The following HK1 variants were observed in gnomAD, a reference collection of about 807,000 sequenced individuals.
The protein encoded by HK1 is hexokinase-1.
Under a neutral mutation model 91.6 loss-of-function variants are expected in HK1, and 28 were observed. That is an observed-to-expected ratio of 0.31 (90% CI 0.23 to 0.42). The LOEUF (loss-of-function observed/expected upper bound fraction) is 0.42, where lower values mean the gene tolerates loss of function less well. Ranked by LOEUF, HK1 falls within the 10% of genes least tolerant of loss-of-function variation. HK1 has a pLI of 1.00. For missense variants in HK1, 770 were observed against 1,219.8 expected, an observed-to-expected ratio of 0.63 and a Z score of 5.49; for synonymous variants, 430 against 468.1, an observed-to-expected ratio of 0.92 and a Z score of 1.05.
rs535605373 is a variant in HK1, at chr10:69,334,958, A to T, written c.64-8869A>T. ...GAGGTGAGCTTTGGGAGGAAGAAGG[A>T]GCTGGGGACGGAGAGGCCCAGGAGG... On this transcript the variant is annotated intron_variant, in intron 1 of 17. Transcript: ENST00000359426. Among the ~76,000 whole-genome samples the T allele has an allele frequency of 2.0e-5, 3 of 152,016 alleles. No individual in the cohort carries two copies. In the South Asian group the frequency reaches 6.2e-4, roughly 32 times the overall value.
At chr10:69,367,301 G>A (rs1292191627) in intron 4 of HK1, among the ~76,000 whole-genome samples, 2 of 152,194 alleles carry the variant, frequency 1.3e-5, no homozygotes, top group South Asian at 2.1e-4. Context: ...GCCTGTGCAT[G>A]TTACCCCTTA....
chr10:69,323,277 G>C lies in HK1; in HGVS notation c.63+4267G>C, dbSNP rs190904808. 1.8e-3 allele frequency among the ~76,000 whole-genome samples: 269 copies of C among 151,110 alleles called. 1 individual carries two copies. The highest frequency in any genetic ancestry group is 6.2e-3 in the African/African-American group (256 of 41,242). On this transcript the variant is annotated intron_variant, in intron 1 of 17. Coordinates refer to ENST00000359426, the MANE Select transcript of HK1 (RefSeq NM_000188.3). Reference sequence around the variant, plus strand: ...AAAAAAAGAAAATTATGAAAAATCTGTGGGTTCTTGCAGTGGCAAAGAAAA... The same window carrying C: ...AAAAAAAGAAAATTATGAAAAATCTCTGGGTTCTTGCAGTGGCAAAGAAAA...
At chr10:69,325,737 A>G (rs1847320783) in intron 1 of HK1, among the ~76,000 whole-genome samples, 1 of 149,860 alleles carries the variant, frequency 6.7e-6, no homozygotes, top group African/African-American at 2.5e-5. Context: ...GGGTTTCACC[A>G]TGTTGGCCAG....
intron 1 of HK1, among the ~76,000 whole-genome samples, chr10:69,326,663 G>A (rs1221752733): frequency 1.3e-5 from 2 of 152,064 alleles, no homozygotes; most frequent in Non-Finnish European, 1.5e-5. Context: ...AATATTTGAG[G>A]CACATAAAAG....
At chr10:69,310,946 A>C (rs1165139750), upstream of HK1, among the ~76,000 whole-genome samples, 1 of 151,970 alleles carries the variant, frequency 6.6e-6, no homozygotes, top group African/African-American at 2.4e-5. Context: ...AATCCCAGCT[A>C]CTCAGGGGGC....
At chr10:69,379,593 A>G (rs889624552) in intron 8 of HK1, among the ~76,000 whole-genome samples, 5 of 152,188 alleles carry the variant, frequency 3.3e-5, no homozygotes, top group African/African-American at 1.2e-4. Flanking sequence ...TTCAGAGGCC[A>G]CATAGTCTTG....
chr10:69,344,342 A>T (rs1281627427), intron 2 of HK1, among the ~76,000 whole-genome samples: 1 of 152,176 alleles, frequency 6.6e-6, no homozygotes, highest in Non-Finnish European at 1.5e-5. Flanking sequence ...GGTTGCTCTT[A>T]TGTCTTCAGA....
At chr10:69,326,478 T>C (rs1478490070) in intron 1 of HK1, among the ~76,000 whole-genome samples, 1 of 152,184 alleles carries the variant, frequency 6.6e-6, no homozygotes, top group Non-Finnish European at 1.5e-5. Context: ...TAAAACATTT[T>C]TCTAAGGTCG....
At chr10:69,278,283 C>T (rs1286662629) in intron 1 of HK1, among the ~76,000 whole-genome samples, 5 of 152,228 alleles carry the variant, frequency 3.3e-5, no homozygotes, top group African/African-American at 7.2e-5. Flanking sequence ...GGCTGCCTGG[C>T]TGGCTTTCCT....
chr10:69,333,658 G>A (rs1847842240), intron 1 of HK1, among the ~76,000 whole-genome samples: 1 of 152,024 alleles, frequency 6.6e-6, no homozygotes, highest in Admixed American at 6.6e-5. Context: ...TGGGGGCCTG[G>A]GGCATTTGGC....
Position 69,318,918 on chromosome 10 carries a change from G to C in HK1, c.-30G>C, listed in dbSNP as rs758364443. On this transcript the variant is annotated 5_prime_UTR_variant, in exon 1 of 18. Coordinates refer to ENST00000359426, the MANE Select transcript of HK1 (RefSeq NM_000188.3). ...GCTGCGGAGGACCGACCGTCCCCACGCCTGCCGCCCCGCGACCCCGACCGC... is the reference window on the plus strand; with the variant it reads ...GCTGCGGAGGACCGACCGTCCCCACCCCTGCCGCCCCGCGACCCCGACCGC... The C allele has an allele frequency of 1.3e-6, 2 of 1,566,616 alleles. No homozygotes were observed. Among genetic ancestry groups the C allele is most frequent in the African/African-American group, 1.4e-5 (1 of 73,256 alleles).
chr10:69,359,029 C>T (rs1822250536), intron 2 of HK1, among the ~76,000 whole-genome samples: 1 of 150,890 alleles, frequency 6.6e-6, no homozygotes, highest in East Asian at 1.9e-4. Flanking sequence ...GCCCAGGTGA[C>T]AGAGCAAGAC....
In HK1 at chr10:69,384,478, A is replaced by G. The variant is rs748279709; in HGVS notation, c.1716A>G (p.Glu572=). 4 of 1,614,208 alleles carry G rather than the reference A, an allele frequency of 2.5e-6. No homozygotes were observed. The highest frequency in any genetic ancestry group is 2.5e-6 in the Non-Finnish European group (3 of 1,180,032). The part of the protein sequence containing the change: ...IPIEIMQGTG[E]ELFDHIVSCI... The stretch of plus-strand genomic sequence containing the variant: ...TTGAAATCATGCAGGGCACTGGGGA[A>G]GAGGTGAGATTACAAAACCATAGTG... The change falls in exon 11 of 18, where the codon GAA becomes GAG. Residue 572 remains glutamate (E), a synonymous_variant. Transcript: ENST00000359426.
At chr10:69,359,779 T>C in intron 2 of HK1, 118 bp from the exon 3 acceptor site, 2 of 951,832 alleles carry the variant, frequency 2.1e-6, no homozygotes, top group Non-Finnish European at 3.4e-6. Flanking sequence ...TTCTGGCTGA[T>C]AACAGCATGT....
chr10:69,297,605 T>C (rs1845630629), intron 4 of HK1, among the ~76,000 whole-genome samples: 1 of 152,118 alleles, frequency 6.6e-6, no homozygotes. Flanking sequence ...TTAGAATTGC[T>C]TGGTTGAGGC....
At chr10:69,288,625 C>T (rs1413792066) in intron 2 of HK1, 13 of 923,488 alleles carry the variant, frequency 1.4e-5, no homozygotes, top group Non-Finnish European at 2.0e-5. Context: ...AAAATGAGAC[C>T]GACAATCCTC....
chr10:69,327,163 G>A (rs1847430794), intron 1 of HK1, among the ~76,000 whole-genome samples: 1 of 151,710 alleles, frequency 6.6e-6, no homozygotes, highest in East Asian at 1.9e-4. Context: ...TAATTTTTTT[G>A]TATTTTTAGT....
intron 11 of HK1, 86 bp downstream of exon 11, chr10:69,384,567 G>A: frequency 6.4e-7 from 1 of 1,562,380 alleles, no homozygotes; most frequent in East Asian, 2.2e-5. Context: ...TCCGCCACGG[G>A]GTGCCCACAT....
chr10:69,293,253 T>C (rs1845377935), intron 3 of HK1, among the ~76,000 whole-genome samples: 1 of 152,208 alleles, frequency 6.6e-6, no homozygotes. Context: ...CTCAGCCAGA[T>C]GCCCTGGGCA....
Sources: gnomAD v4.1 joint callset for allele counts (sites outside exome capture counted in the v4.1 genomes callset) on GRCh38, gnomAD v4.1.1 for gene constraint, MANE v1.5 for transcripts, NCBI Gene and HGNC (gene_info 2026-07-23, HGNC 2026-07-21) for gene names.